DLG2: variants seen among roughly 807,000 people sequenced by gnomAD.
DLG2 encodes the protein discs large MAGUK scaffold protein 2, also known as disks large homolog 2.
Under a neutral mutation model 132.5 loss-of-function variants are expected in DLG2, and 45 were observed. The observed-to-expected ratio is 0.34, with a 90% CI of 0.27 to 0.44. DLG2 has a LOEUF of 0.44. Among genes scored for constraint, DLG2 ranks in the 20% least tolerant of loss-of-function variants. The probability of loss-of-function intolerance (pLI) is 1.00; values close to 1 mark genes in which losing one functional copy is unlikely to be tolerated. For synonymous variants in DLG2, 424 were observed against 419.6 expected, an observed-to-expected ratio of 1.01 and a Z score of -0.13; for missense variants, 1,045 against 1,196.9, an observed-to-expected ratio of 0.87 and a Z score of 1.87.
intron 6 of DLG2, among the ~76,000 whole-genome samples, chr11:84,750,528 T>C (rs544392030): frequency 6.6e-6 from 1 of 152,156 alleles, no homozygotes; most frequent in African/African-American, 2.4e-5. Flanking sequence ...TTTAAAAAAA[T>C]AAATATCATA....
intron 15 of DLG2, among the ~76,000 whole-genome samples, chr11:83,911,676 T>C (rs753483997): frequency 1.7e-4 from 26 of 152,210 alleles, no homozygotes; most frequent in Non-Finnish European, 3.5e-4. Context: ...AATATGGAGT[T>C]ATTAAATCAC....
At chr11:85,126,643 C>G (rs562928404) in intron 5 of DLG2, among the ~76,000 whole-genome samples, 4 of 151,968 alleles carry the variant, frequency 2.6e-5, no homozygotes, top group Admixed American at 2.6e-4. Context: ...TCCAATCTCC[C>G]CCACGTAGAC....
At position 83,866,077 on chromosome 11, in the gene DLG2, C is replaced by CT. The variant is rs550380751; in HGVS notation, c.1565+8342dup. On this transcript the variant is annotated intron_variant, in intron 16 of 27. Transcript: ENST00000376104. ...GGTACTCAGAGCATCACAGTCCCCCCTTTTTTTTTCACAGAGCTTGACACA... is the reference window on the plus strand; with the variant it reads ...GGTACTCAGAGCATCACAGTCCCCCCTTTTTTTTTTCACAGAGCTTGACACA... Among the ~76,000 whole-genome samples, 1,375 of 150,936 alleles carry CT rather than the reference C, an allele frequency of 9.1e-3. 15 individuals are homozygous for CT. The highest frequency in any genetic ancestry group is 0.028 in the African/African-American group (1,171 of 41,170).
At chr11:84,020,734 T>C (rs2095366013) in intron 11 of DLG2, among the ~76,000 whole-genome samples, 1 of 152,252 alleles carries the variant, frequency 6.6e-6, no homozygotes, top group Non-Finnish European at 1.5e-5. Context: ...TATTGCTATC[T>C]GCATAGCCCC....
chr11:85,179,170 G>C (rs889752901), intron 4 of DLG2, among the ~76,000 whole-genome samples: 1 of 151,774 alleles, frequency 6.6e-6, no homozygotes, highest in Non-Finnish European at 1.5e-5. Flanking sequence ...AAAAGTAATA[G>C]AACATATGCT....
chr11:85,322,586 T>C (rs1415635982), intron 3 of DLG2, among the ~76,000 whole-genome samples: 1 of 152,092 alleles, frequency 6.6e-6, no homozygotes, highest in South Asian at 2.1e-4. Context: ...TAACCACATA[T>C]CCTTAAACCT....
At chr11:84,324,023 C>T (rs770222984) in intron 7 of DLG2, among the ~76,000 whole-genome samples, 1 of 152,014 alleles carries the variant, frequency 6.6e-6, no homozygotes, top group Non-Finnish European at 1.5e-5. Context: ...TTTTCACTCT[C>T]TTTATCGTTT....
intron 6 of DLG2, among the ~76,000 whole-genome samples, chr11:84,610,677 T>C (rs2099593821): frequency 6.6e-6 from 1 of 152,112 alleles, no homozygotes; most frequent in South Asian, 2.1e-4. Flanking sequence ...CCCTCCTCAC[T>C]TTTCCTTCCC....
At chr11:84,081,706 T>G (rs1258007664) in intron 10 of DLG2, among the ~76,000 whole-genome samples, 3 of 152,248 alleles carry the variant, frequency 2.0e-5, no homozygotes, top group Non-Finnish European at 4.4e-5. Context: ...ATTTTCTTAA[T>G]CCAGTCTATC....
At chr11:84,446,025 T>C (rs1421353236) in intron 7 of DLG2, among the ~76,000 whole-genome samples, 2 of 151,928 alleles carry the variant, frequency 1.3e-5, no homozygotes, top group Non-Finnish European at 2.9e-5. Context: ...TTCTGGACCA[T>C]TTTATTCTAC....
chr11:83,971,666 T>G (rs1029889629), intron 12 of DLG2, among the ~76,000 whole-genome samples: 11 of 152,204 alleles, frequency 7.2e-5, no homozygotes, highest in Non-Finnish European at 1.5e-4. Flanking sequence ...AATGTGGAAC[T>G]CTAGAATCAT....
At chr11:85,090,616 T>C (rs1455482074) in intron 6 of DLG2, among the ~76,000 whole-genome samples, 1 of 152,220 alleles carries the variant, frequency 6.6e-6, no homozygotes, top group African/African-American at 2.4e-5. Flanking sequence ...CTCTCTTAAC[T>C]TCTCCTCAAC....
chr11:84,932,640 T>C (rs2048237087), intron 6 of DLG2, among the ~76,000 whole-genome samples: 1 of 152,208 alleles, frequency 6.6e-6, no homozygotes, highest in Non-Finnish European at 1.5e-5. Context: ...GTTAGTCTGC[T>C]GGGGATGATG....
chr11:85,429,123 G>GAT, intron 3 of DLG2, among the ~76,000 whole-genome samples: 1 of 152,242 alleles, frequency 6.6e-6, no homozygotes, highest in African/African-American at 2.4e-5. Flanking sequence ...CTCTGAAATT[G>GAT]AGGCAATAAT....
At chr11:85,149,633 A>T (rs2077093807) in intron 5 of DLG2, among the ~76,000 whole-genome samples, 1 of 148,982 alleles carries the variant, frequency 6.7e-6, no homozygotes, top group African/African-American at 2.4e-5. Context: ...AAGCAAGTAT[A>T]AAAAAACAGA....
intron 6 of DLG2, among the ~76,000 whole-genome samples, chr11:84,706,801 C>G (rs2059827911): frequency 6.6e-6 from 1 of 151,740 alleles, no homozygotes; most frequent in African/African-American, 2.4e-5. Context: ...AATTTCATTA[C>G]ATTGGCGCTG....
At chr11:84,670,083 C>T (rs1431481272) in intron 6 of DLG2, among the ~76,000 whole-genome samples, 2 of 152,106 alleles carry the variant, frequency 1.3e-5, no homozygotes, top group Non-Finnish European at 2.9e-5. Flanking sequence ...TTTCAGAGGT[C>T]CTGCACGCCA....
At chr11:85,424,211 G>C (rs1236426213) in intron 3 of DLG2, among the ~76,000 whole-genome samples, 3 of 152,186 alleles carry the variant, frequency 2.0e-5, no homozygotes, top group African/African-American at 7.2e-5. Flanking sequence ...GTGTTCAAGG[G>C]TGGATGATCC....
chr11:85,027,173 CTTTTTTTTTTTT>C lies in DLG2; in HGVS notation c.357+84476_357+84487del, dbSNP rs10571202. Among the ~76,000 whole-genome samples, 19 of 69,368 alleles carry C rather than the reference CTTTTTTTTTTTT, an allele frequency of 2.7e-4. No individual in the cohort carries two copies. In the South Asian group the frequency reaches 3.3e-3, roughly 12 times the overall value. The allele number at this position is 69,368 out of a possible 152,430, so 45.5% of individuals were successfully genotyped here. A position where few individuals can be genotyped will look rare whatever the true frequency, so the allele number is the denominator to read the frequency against. The stretch of plus-strand genomic sequence containing the variant: ...TAAAGCAGCATATACAGTGTGGTCT[CTTTTTTTTTTTT>C]TTTTTTTTTTTTTTTTTGCTGAAAG... On this transcript the variant is annotated intron_variant, in intron 6 of 27. Transcript: ENST00000376104.
Sources: allele counts gnomAD v4.1 joint callset (sites outside exome capture counted in the v4.1 genomes callset), GRCh38; gene constraint gnomAD v4.1.1; transcripts MANE v1.5; gene names NCBI Gene and HGNC (gene_info 2026-07-23, HGNC 2026-07-21).